The following FAM153A variants were observed in gnomAD, a reference collection of about 807,000 sequenced individuals.
FAM153A encodes protein FAM153A.
A neutral mutation model predicts 48.1 loss-of-function variants in FAM153A; 12 were observed. The ratio of observed to expected loss-of-function variants is 0.25; its 90% confidence interval spans 0.16 to 0.40. FAM153A has a LOEUF of 0.40. Among genes scored for constraint, FAM153A ranks in the 10% least tolerant of loss-of-function variants. FAM153A has a pLI of 1.00. For missense variants in FAM153A, 111 were observed against 345.8 expected, an observed-to-expected ratio of 0.32 and a Z score of 5.38; for synonymous variants, 36 against 118.2, an observed-to-expected ratio of 0.30 and a Z score of 4.51.
downstream of FAM153A, among the ~76,000 whole-genome samples, chr5:177,703,367 A>ATCTAAT: frequency 6.6e-6 from 1 of 151,806 alleles, no homozygotes; most frequent in Non-Finnish European, 1.5e-5. Context: ...TTGGAATGGG[A>ATCTAAT]ATATTTACCT....
chr5:177,723,398 A>G (rs1471216802), exon 21 of FAM153A: 1 of 135,806 alleles, frequency 7.4e-6, no homozygotes, highest in East Asian at 2.5e-4. Flanking sequence ...ATATTTAAAA[A>G]ACAGAGGCTC....
chr5:177,754,499 G>A (rs201147635), upstream of FAM153A, among the ~76,000 whole-genome samples: 1,749 of 151,610 alleles, frequency 0.012, 70 homozygotes, highest in East Asian at 0.13. Context: ...TGGTTCTCCC[G>A]GCACACAGTT....
At chr5:177,728,563 T>TTC (rs1554142054) in intron 18 of FAM153A, among the ~76,000 whole-genome samples, 1 of 143,956 alleles carries the variant, frequency 6.9e-6, no homozygotes, top group Non-Finnish European at 1.5e-5. Context: ...GTTTTTTTTT[T>TTC]TGTTTGTTTT....
At chr5:177,698,278 CATG>C in the FAM153A span, among the ~76,000 whole-genome samples, 1 of 151,914 alleles carries the variant, frequency 6.6e-6, no homozygotes, top group East Asian at 1.9e-4. Flanking sequence ...CTTTTATAAT[CATG>C]ATGTGAATTT....
chr5:177,743,097 TAA>T (rs1416328704), intron 6 of FAM153A, among the ~76,000 whole-genome samples: 1 of 147,308 alleles, frequency 6.8e-6, no homozygotes, highest in Non-Finnish European at 1.5e-5. Flanking sequence ...TTATACACAA[TAA>T]GTTTCCACCA....
downstream of FAM153A, among the ~76,000 whole-genome samples, chr5:177,719,241 TA>T (rs896072527): frequency 2.0e-5 from 3 of 151,102 alleles, no homozygotes; most frequent in African/African-American, 4.9e-5. Flanking sequence ...TAAGTTATTA[TA>T]AAAAAATATT....
downstream of FAM153A, among the ~76,000 whole-genome samples, chr5:177,719,581 T>A (rs1243801966): frequency 6.9e-6 from 1 of 144,394 alleles, no homozygotes; most frequent in Non-Finnish European, 1.5e-5. Context: ...TTTATTTATT[T>A]TTTTTTCGAG....
Position 177,737,017 on chromosome 5 carries a change from T to C in FAM153A, c.633+25A>G, listed in dbSNP as rs200693685. On this transcript the variant is annotated intron_variant, in intron 11 of 20. Transcript: ENST00000614127. ...AAACCGAGAGAAATAAAATTTCCTT[T>C]TCAGAGGAAAGAAGACGACTTTACC... 1.8e-5 allele frequency: 25 copies of C among 1,413,498 alleles called. 2 individuals carry two copies. The highest frequency in any genetic ancestry group is 2.3e-5 in the Non-Finnish European group (24 of 1,043,164). The allele number at this position is 1,413,498 out of a possible 1,614,324, so 87.6% of individuals were successfully genotyped here. A position where few individuals can be genotyped will look rare whatever the true frequency, so the allele number is the denominator to read the frequency against.
chr5:177,707,732 T>C (rs1757992870), downstream of FAM153A, among the ~76,000 whole-genome samples: 1 of 151,762 alleles, frequency 6.6e-6, no homozygotes, highest in Non-Finnish European at 1.5e-5. Context: ...GCTAATTTGC[T>C]GTATTTTTAG....
intron 25 of FAM153A, among the ~76,000 whole-genome samples, chr5:177,715,892 T>C (rs981640335): frequency 5.9e-5 from 9 of 151,658 alleles, no homozygotes; most frequent in African/African-American, 1.9e-4. Context: ...CCTAGGCTGG[T>C]GTCAAACTCC....
upstream of FAM153A, among the ~76,000 whole-genome samples, chr5:177,781,885 A>AT (rs1278832484): frequency 0.019 from 1,288 of 67,232 alleles, 99 homozygotes; most frequent in Middle Eastern, 0.033. Flanking sequence ...CGCCCGGCTA[A>AT]TTTTTTTTTT....
chr5:177,718,350 TAAAAG>T (rs1388635639), downstream of FAM153A: 17 of 92,080 alleles, frequency 1.8e-4, 1 homozygote, highest in East Asian at 4.9e-3. Flanking sequence ...AAAACAGAGT[TAAAAG>T]AAAACCAAAG....
intron 26 of FAM153A, among the ~76,000 whole-genome samples, chr5:177,713,352 G>A (rs529230139): frequency 6.1e-4 from 92 of 149,608 alleles, no homozygotes; most frequent in Non-Finnish European, 9.4e-4. Context: ...CTGGCTTCAC[G>A]TCATTCTCCT....
chr5:177,748,884 A>G (rs1766426358), intron 2 of FAM153A, among the ~76,000 whole-genome samples, 185 bp from the exon 5 acceptor site: 1 of 138,134 alleles, frequency 7.2e-6, no homozygotes. Flanking sequence ...AGGAAGCCAC[A>G]GAAGTCAGGA....
the FAM153A span, among the ~76,000 whole-genome samples, chr5:177,696,186 G>A: frequency 8.7e-5 from 9 of 103,530 alleles, no homozygotes; most frequent in Non-Finnish European, 1.4e-4. Context: ...TTCCTAGATG[G>A]GGCGGCCGGG....
intron 25 of FAM153A, among the ~76,000 whole-genome samples, chr5:177,716,043 G>C (rs1289131008): frequency 6.6e-6 from 1 of 150,968 alleles, no homozygotes; most frequent in African/African-American, 2.5e-5. Flanking sequence ...GAGTGCAGTG[G>C]CGCAATCTTA....
intron 6 of FAM153A, among the ~76,000 whole-genome samples, chr5:177,743,212 T>TTTTG (rs1765595533): frequency 2.1e-5 from 2 of 94,988 alleles, no homozygotes; most frequent in East Asian, 3.3e-4. Context: ...TTTTGTTTTT[T>TTTTG]TTTTTTTTGC....
At chr5:177,756,242 C>T (rs1442397924), upstream of FAM153A, among the ~76,000 whole-genome samples, 6 of 148,920 alleles carry the variant, frequency 4.0e-5, no homozygotes, top group Admixed American at 1.3e-4. Context: ...ACAAAGAAGG[C>T]CATTACATAA....
intron 1 of FAM153A, among the ~76,000 whole-genome samples, chr5:177,762,377 C>A (rs543622027): frequency 7.1e-6 from 1 of 140,428 alleles, no homozygotes; most frequent in Admixed American, 7.0e-5. Context: ...TCAGGGCAGC[C>A]CTGGGGGAGC....
Sources: allele counts gnomAD v4.1 joint callset (sites outside exome capture counted in the v4.1 genomes callset), GRCh38; gene constraint gnomAD v4.1.1; transcripts MANE v1.5; gene names NCBI Gene and HGNC (gene_info 2026-07-23, HGNC 2026-07-21).